The following DLC1 variants were observed in gnomAD, a reference collection of about 807,000 sequenced individuals.
DLC1 encodes the protein DLC1 Rho GTPase activating protein.
DLC1 carries 54 observed loss-of-function variants against 140.3 expected under a neutral mutation model. The ratio of observed to expected loss-of-function variants is 0.38; its 90% CI spans 0.31 to 0.48. The LOEUF (loss-of-function observed/expected upper bound fraction) is 0.48. DLC1 is among the 20% of genes least tolerant of loss of function. The pLI is 0.96. For missense variants in DLC1, 2,536 were observed against 1,907.0 expected, an observed-to-expected ratio of 1.33 and a Z score of -6.14; for synonymous variants, 986 against 728.1, an observed-to-expected ratio of 1.35 and a Z score of -5.70.
At chr8:13,228,033 A>C (rs1828873077) in intron 5 of DLC1, among the ~76,000 whole-genome samples, 1 of 152,178 alleles carries the variant, frequency 6.6e-6, no homozygotes, top group African/African-American at 2.4e-5. Context: ...GTAATATTTC[A>C]TAGAAATATT....
intron 5 of DLC1, among the ~76,000 whole-genome samples, chr8:13,188,942 G>A (rs1450549425): frequency 8.9e-5 from 13 of 146,516 alleles, no homozygotes; most frequent in African/African-American, 3.3e-4. Flanking sequence ...GCCCGCCTCG[G>A]CCTCCCAAAG....
At chr8:13,194,681 C>T (rs1305312277) in intron 5 of DLC1, among the ~76,000 whole-genome samples, 2 of 152,152 alleles carry the variant, frequency 1.3e-5, no homozygotes, top group African/African-American at 4.8e-5. Flanking sequence ...CTTGAAGAAA[C>T]ATTGTAGGCC....
At chr8:13,143,524 C>G (rs1331542436) in intron 5 of DLC1, among the ~76,000 whole-genome samples, 3 of 152,078 alleles carry the variant, frequency 2.0e-5, no homozygotes, top group African/African-American at 7.2e-5. Flanking sequence ...GGTGTGATCA[C>G]GGTTCACTGC....
At chr8:13,479,820 G>A (rs1239741795) in intron 2 of DLC1, among the ~76,000 whole-genome samples, 1 of 27,464 alleles carries the variant, frequency 3.6e-5, no homozygotes, top group Non-Finnish European at 8.0e-5. Flanking sequence ...AGAAGAAGAA[G>A]AAGAAGAAGA....
intron 2 of DLC1, among the ~76,000 whole-genome samples, chr8:13,427,407 G>A (rs1838642317): frequency 6.6e-6 from 1 of 152,078 alleles, no homozygotes; most frequent in South Asian, 2.1e-4. Flanking sequence ...CCTTGACCCT[G>A]CATCATCATT....
chr8:13,400,063 A>C (rs1437580121), intron 3 of DLC1, among the ~76,000 whole-genome samples: 2 of 152,162 alleles, frequency 1.3e-5, no homozygotes, highest in African/African-American at 4.8e-5. Flanking sequence ...CTGTGGAAAA[A>C]AATTTGATGG....
intron 5 of DLC1, among the ~76,000 whole-genome samples, chr8:13,260,765 T>C (rs1412573790): frequency 6.6e-6 from 1 of 152,036 alleles, no homozygotes; most frequent in Non-Finnish European, 1.5e-5. Context: ...AGAGATAGCT[T>C]AAGAAAAAAA....
At chr8:13,414,174 T>A (rs1365471723) in intron 2 of DLC1, among the ~76,000 whole-genome samples, 1 of 152,188 alleles carries the variant, frequency 6.6e-6, no homozygotes, top group Non-Finnish European at 1.5e-5. Context: ...CTTTGTTGAA[T>A]TATGAGGAAT....
intron 4 of DLC1, among the ~76,000 whole-genome samples, chr8:13,363,111 A>G (rs73204001): frequency 0.13 from 19,434 of 152,228 alleles, 1,381 homozygotes; most frequent in Non-Finnish European, 0.16. Context: ...AACATTAATG[A>G]GACAAACATC....
chr8:13,246,266 T>C (rs1829759104), intron 5 of DLC1, among the ~76,000 whole-genome samples: 1 of 152,234 alleles, frequency 6.6e-6, no homozygotes, highest in African/African-American at 2.4e-5. Context: ...GGAAAATTAC[T>C]TTGATTTTAA....
rs1818055705 is a variant in DLC1 at position 13,091,358 on chromosome 8, C to T, written c.3815G>A (p.Gly1272Glu). The change falls in exon 14 of 18, where the codon GGG (glycine) becomes GAG (glutamate). Residue 1272 changes from glycine (G) to glutamate (E), a missense_variant. Coordinates refer to ENST00000276297, the MANE Select transcript of DLC1 (RefSeq NM_182643.3). The part of the protein sequence containing the change: ...DLNENLAATQ[G>E]LAHMIAECKK... ...GCACTCGGCGATCATATGGGCCAGC[C>T]CTTGAGTGGCAGCTAGGTTTTCATT... 2 of 1,614,116 alleles carry T rather than the reference C, an allele frequency of 1.2e-6. No individual in the cohort carries two copies. Among genetic ancestry groups the T allele is most frequent in the East Asian group, 4.5e-5 (2 of 44,874 alleles).
intron 2 of DLC1, among the ~76,000 whole-genome samples, chr8:13,423,923 T>G (rs1038939536): frequency 9.9e-5 from 15 of 152,106 alleles, no homozygotes; most frequent in Non-Finnish European, 1.6e-4. Flanking sequence ...GAGGGGAAAA[T>G]AAGAATTATG....
At chr8:13,280,298 A>G (rs963018740) in intron 5 of DLC1, among the ~76,000 whole-genome samples, 5 of 151,142 alleles carry the variant, frequency 3.3e-5, no homozygotes, top group Admixed American at 2.0e-4. Flanking sequence ...AAAAAAAAAA[A>G]AAAAAAAAAA....
intron 2 of DLC1, among the ~76,000 whole-genome samples, chr8:13,422,426 T>A (rs1472273273): frequency 2.0e-5 from 3 of 151,786 alleles, no homozygotes; most frequent in Non-Finnish European, 4.4e-5. Flanking sequence ...TACCAATGAG[T>A]ATGTTGTCTA....
At chr8:13,552,541 G>A (rs557284630) in intron 1 of DLC1, among the ~76,000 whole-genome samples, 11 of 151,176 alleles carry the variant, frequency 7.3e-5, no homozygotes, top group African/African-American at 2.2e-4. Flanking sequence ...AAAAACATGA[G>A]TGAATATATA....
chr8:13,238,727 G>T (rs1829405735), intron 5 of DLC1, among the ~76,000 whole-genome samples: 2 of 152,144 alleles, frequency 1.3e-5, no homozygotes, highest in South Asian at 4.1e-4. Flanking sequence ...GGCAGATCCT[G>T]CCCAGCTGTG....
At chr8:13,406,650 T>A (rs766847235) in intron 2 of DLC1, among the ~76,000 whole-genome samples, 9 of 152,208 alleles carry the variant, frequency 5.9e-5, no homozygotes, top group Admixed American at 5.9e-4. Context: ...TCGGTAATTA[T>A]GTTTACTCTT....
At position 13,099,878 on chromosome 8, in the gene DLC1, T is replaced by C. The variant is rs370034618; in HGVS notation, c.2459A>G (p.Lys820Arg). The C allele has an allele frequency of 4.8e-5, 77 of 1,614,004 alleles. 1 individual carries two copies. Among genetic ancestry groups the C allele is most frequent in the East Asian group, 4.5e-5 (2 of 44,868 alleles). The stretch of plus-strand genomic sequence containing the variant: ...GGAGAAACTGCCATTGGTGAGAGCT[T>C]TGGGGAAAGTGCCAGGCTTGTGATC... ...PEDHKPGTFPKALTNGSFSPS... is the reference protein window; with the variant it reads ...PEDHKPGTFPRALTNGSFSPS... The change falls in exon 9 of 18, where the codon AAA becomes AGA. Residue 820 changes from lysine to arginine, a missense_variant. Coordinates refer to ENST00000276297, the MANE Select transcript of DLC1 (RefSeq NM_182643.3).
At chr8:13,126,924 G>T (rs561396885) in intron 5 of DLC1, among the ~76,000 whole-genome samples, 3 of 152,148 alleles carry the variant, frequency 2.0e-5, no homozygotes, top group African/African-American at 7.2e-5. Flanking sequence ...CCATATTTTC[G>T]TCCATTCTAA....
Sources: gnomAD v4.1 joint callset for allele counts (sites outside exome capture counted in the v4.1 genomes callset) on GRCh38, gnomAD v4.1.1 for gene constraint, MANE v1.5 for transcripts, NCBI Gene and HGNC (gene_info 2026-07-23, HGNC 2026-07-21) for gene names.